The following GRM7 variants were observed in gnomAD, a reference collection of about 807,000 sequenced individuals.
GRM7 encodes metabotropic glutamate receptor 7.
Under a neutral mutation model 84.5 loss-of-function variants are expected in GRM7, and 35 were observed. The ratio of observed to expected loss-of-function variants is 0.41; its 90% CI spans 0.32 to 0.55. The LOEUF (loss-of-function observed/expected upper bound fraction) is 0.55, where lower values mean the gene tolerates loss of function less well. GRM7 is among the 20% of genes least tolerant of loss of function. The pLI, the probability that GRM7 is intolerant of heterozygous loss-of-function variation, is 0.19. For missense variants in GRM7, 1,003 were observed against 1,194.6 expected, an observed-to-expected ratio of 0.84 and a Z score of 2.36; for synonymous variants, 487 against 455.1, an observed-to-expected ratio of 1.07 and a Z score of -0.89.
chr3:7,102,936 T>G (rs368314168), intron 1 of GRM7, among the ~76,000 whole-genome samples: 4 of 151,868 alleles, frequency 2.6e-5, no homozygotes, highest in African/African-American at 9.6e-5. Flanking sequence ...CTGCTGATAT[T>G]CTCCATCTCT....
intron 3 of GRM7, among the ~76,000 whole-genome samples, chr3:7,303,808 A>G (rs923822713): frequency 6.6e-6 from 1 of 151,920 alleles, no homozygotes; most frequent in African/African-American, 2.4e-5. Flanking sequence ...TGGATCAGTT[A>G]TTATCATTTG....
rs181106130 is a variant in GRM7 at position 7,477,904 on chromosome 3, A to G, written c.1515+16182A>G. Among the ~76,000 whole-genome samples the G allele has an allele frequency of 3.3e-5, 5 of 152,286 alleles. No homozygotes were observed. In the East Asian group the frequency reaches 9.7e-4, roughly 29 times the overall value. On this transcript the variant is annotated intron_variant, in intron 7 of 9. Coordinates refer to ENST00000357716, the MANE Select transcript of GRM7 (RefSeq NM_000844.4). Reference sequence around the variant, plus strand: ...GGTATCAAAGACCCTTTGAAATTGCATGTTATAAGGACCGGTTATAAGTGA... The same window carrying G: ...GGTATCAAAGACCCTTTGAAATTGCGTGTTATAAGGACCGGTTATAAGTGA...
chr3:7,543,548 C>T (rs1271388428), intron 7 of GRM7, among the ~76,000 whole-genome samples: 1 of 152,196 alleles, frequency 6.6e-6, no homozygotes, highest in Non-Finnish European at 1.5e-5. Flanking sequence ...AGCAATTCTG[C>T]CACCAGGCTG....
chr3:7,557,858 T>C (rs1693845606), intron 7 of GRM7, among the ~76,000 whole-genome samples: 1 of 152,162 alleles, frequency 6.6e-6, no homozygotes, highest in South Asian at 2.1e-4. Context: ...ACAGAACTTT[T>C]GAGTTGAGCA....
chr3:7,227,567 A>T (rs1697023246), intron 2 of GRM7, among the ~76,000 whole-genome samples: 1 of 152,204 alleles, frequency 6.6e-6, no homozygotes, highest in African/African-American at 2.4e-5. Flanking sequence ...GGAAATAAAA[A>T]CACTGCCTAC....
chr3:7,172,555 C>T (rs977043132), intron 2 of GRM7, among the ~76,000 whole-genome samples: 7 of 139,394 alleles, frequency 5.0e-5, no homozygotes, highest in Admixed American at 7.1e-5. Flanking sequence ...CCCCCGCCCC[C>T]CCCACATATA....
At chr3:7,356,459 G>A (rs926653722) in intron 4 of GRM7, among the ~76,000 whole-genome samples, 8 of 151,730 alleles carry the variant, frequency 5.3e-5, no homozygotes, top group East Asian at 2.0e-4. Flanking sequence ...GTGCCACCAC[G>A]CCTGGTTAAT....
At chr3:7,160,657 T>C (rs1474492820) in intron 2 of GRM7, among the ~76,000 whole-genome samples, 1 of 152,176 alleles carries the variant, frequency 6.6e-6, no homozygotes, top group African/African-American at 2.4e-5. Flanking sequence ...CACTAGCTCT[T>C]CTTTTTCCTC....
At chr3:7,075,037 C>T (rs1051166806) in intron 1 of GRM7, among the ~76,000 whole-genome samples, 3 of 152,130 alleles carry the variant, frequency 2.0e-5, no homozygotes, top group Admixed American at 6.5e-5. Flanking sequence ...GGGTCTCTTT[C>T]GGTCAGTCTG....
At chr3:6,922,963 A>G (rs1279031216) in intron 1 of GRM7, among the ~76,000 whole-genome samples, 1 of 152,086 alleles carries the variant, frequency 6.6e-6, no homozygotes, top group African/African-American at 2.4e-5. Context: ...AATAAAGTTG[A>G]CTTTTAGGCT....
chr3:7,315,417 C>T (rs1340178633), intron 4 of GRM7, among the ~76,000 whole-genome samples: 1 of 152,198 alleles, frequency 6.6e-6, no homozygotes, highest in Admixed American at 6.6e-5. Context: ...CTGTATATTG[C>T]ATGCCTCAAC....
At chr3:6,929,553 A>G (rs1697425305) in intron 1 of GRM7, among the ~76,000 whole-genome samples, 2 of 152,288 alleles carry the variant, frequency 1.3e-5, no homozygotes, top group African/African-American at 2.4e-5. Context: ...CCCAGGGACA[A>G]GAGAATAGAA....
At chr3:7,392,852 A>T (rs557305620) in intron 4 of GRM7, among the ~76,000 whole-genome samples, 1 of 152,298 alleles carries the variant, frequency 6.6e-6, no homozygotes, top group East Asian at 1.9e-4. Context: ...GTCTAGTTGC[A>T]TCTTAGTCTC....
chr3:6,907,659 A>T (rs1017353915), intron 1 of GRM7, among the ~76,000 whole-genome samples: 1 of 152,182 alleles, frequency 6.6e-6, no homozygotes, highest in Non-Finnish European at 1.5e-5. Context: ...AGAAAGAAGA[A>T]TGAAAAGAAA....
At chr3:7,526,189 T>C (rs1292999302) in intron 7 of GRM7, among the ~76,000 whole-genome samples, 1 of 152,114 alleles carries the variant, frequency 6.6e-6, no homozygotes, top group African/African-American at 2.4e-5. Flanking sequence ...TTCTCTGCAA[T>C]CTTGCCAACA....
At chr3:7,424,600 T>G (rs1197349452) in intron 5 of GRM7, among the ~76,000 whole-genome samples, 4 of 152,212 alleles carry the variant, frequency 2.6e-5, no homozygotes, top group South Asian at 2.1e-4. Context: ...CGAGAAAAAT[T>G]TAATAATCTC....
At chr3:7,554,368 G>A (rs567302481) in intron 7 of GRM7, among the ~76,000 whole-genome samples, 5 of 152,084 alleles carry the variant, frequency 3.3e-5, no homozygotes, top group South Asian at 4.1e-4. Context: ...ATCGCTACAC[G>A]GGCACTTCAG....
At chr3:6,957,350 C>T (rs1453883358) in intron 1 of GRM7, among the ~76,000 whole-genome samples, 1 of 152,190 alleles carries the variant, frequency 6.6e-6, no homozygotes, top group Non-Finnish European at 1.5e-5. Flanking sequence ...AGCTCAATGG[C>T]AGCCGAAGCC....
chr3:7,152,716 T>C (rs930380086), intron 2 of GRM7, among the ~76,000 whole-genome samples: 3 of 152,116 alleles, frequency 2.0e-5, no homozygotes, highest in Admixed American at 6.6e-5. Flanking sequence ...CTCTTTTGGA[T>C]TGTGATGTAT....
Sources: gnomAD v4.1 joint callset for allele counts (sites outside exome capture counted in the v4.1 genomes callset) on GRCh38, gnomAD v4.1.1 for gene constraint, MANE v1.5 for transcripts, NCBI Gene and HGNC (gene_info 2026-07-23, HGNC 2026-07-21) for gene names.